The following NSMAF variants were observed in gnomAD, a reference collection of about 807,000 sequenced individuals.
The protein encoded by NSMAF is protein FAN.
Under a neutral mutation model 134.9 loss-of-function variants are expected in NSMAF, and 90 were observed. The ratio of observed to expected loss-of-function variants is 0.67; its 90% CI spans 0.56 to 0.79. NSMAF has a LOEUF of 0.79. NSMAF is among the 30% of genes least tolerant of loss of function. NSMAF has a pLI of 0.00. For synonymous variants in NSMAF, 358 were observed against 389.6 expected, an observed-to-expected ratio of 0.92 and a Z score of 0.96; for missense variants, 1,010 against 1,119.0, an observed-to-expected ratio of 0.90 and a Z score of 1.39.
Position 58,597,484 on chromosome 8 carries a change from T to C in NSMAF, c.1695A>G (p.Lys565=). 1.2e-6 allele frequency: 2 copies of C among 1,614,130 alleles called. No individual in the cohort carries two copies. Among genetic ancestry groups the C allele is most frequent in the Non-Finnish European group, 1.7e-6 (2 of 1,179,932 alleles). ...TQILEFGQTP[K]QLFVTPHPRR... ...GAGGATGTGGTGTCACAAATAGTTG[T>C]TTTGGTGTCTGCCCAAATTCCAAGA... Residue 565 remains lysine (K), a synonymous_variant, in exon 21 of 31, where the codon AAA becomes AAG. Transcript: ENST00000038176.
Position 58,645,077 on chromosome 8 carries a change from C to T in NSMAF, c.60-2004G>A, listed in dbSNP as rs1025193401. ...TGTATACCTATGTAACAAACCTGCACGTTCTGCACATGTACTCCAGAACTT... is the reference window on the plus strand; with the variant it reads ...TGTATACCTATGTAACAAACCTGCATGTTCTGCACATGTACTCCAGAACTT... On this transcript the variant is annotated intron_variant, in intron 1 of 30. Coordinates refer to ENST00000038176, the MANE Select transcript of NSMAF (RefSeq NM_003580.4). Among the ~76,000 whole-genome samples the T allele has an allele frequency of 2.0e-5, 3 of 148,478 alleles. 1 individual carries two copies. The East Asian group carries it at 5.9e-4, about 29-fold the overall frequency.
At chr8:58,594,633 T>C in intron 22 of NSMAF, 1 of 289,492 alleles carries the variant, frequency 3.5e-6, no homozygotes, top group East Asian at 7.3e-5. Context: ...TTCTTCACAG[T>C]CACTTCACTT....
intron 6 of NSMAF, among the ~76,000 whole-genome samples, chr8:58,626,581 T>C (rs1806936432): frequency 6.6e-6 from 1 of 152,220 alleles, no homozygotes; most frequent in African/African-American, 2.4e-5. Flanking sequence ...CCATGGTGTA[T>C]ATATATAGGA....
intron 2 of NSMAF, among the ~76,000 whole-genome samples, chr8:58,637,734 C>T (rs1226548009): frequency 6.6e-6 from 1 of 151,992 alleles, no homozygotes; most frequent in Non-Finnish European, 1.5e-5. Context: ...ATTACAGAAA[C>T]AATTCAATTT....
At chr8:58,633,198 C>A (rs567439319) in intron 5 of NSMAF, among the ~76,000 whole-genome samples, 4 of 152,226 alleles carry the variant, frequency 2.6e-5, no homozygotes, top group African/African-American at 9.6e-5. Context: ...CCGCATGACA[C>A]GGTCCCTGCC....
intron 9 of NSMAF, among the ~76,000 whole-genome samples, chr8:58,611,890 T>C (rs940751582): frequency 7.9e-5 from 12 of 152,142 alleles, no homozygotes; most frequent in Non-Finnish European, 1.3e-4. Flanking sequence ...TGAGAACTGA[T>C]GAAAGATATC....
rs1805876978 is a variant in NSMAF, at chr8:58,585,995, G to A, written c.2452C>T (p.Arg818Cys). The A allele has an allele frequency of 8.7e-6, 14 of 1,612,212 alleles. No homozygotes were observed. The highest frequency in any genetic ancestry group is 2.2e-5 in the East Asian group (1 of 44,876). ...TCTGTTCCTGTGCTGAGGACATGGC[G>A]ACTATCTGCAACACAAGGTGAGACT... ...VCDTAFSPDS[R>C]HVLSTGTDGC... Residue 818 changes from arginine (R) to cysteine (C), a missense_variant, in exon 29 of 31, where the codon CGC becomes TGC. Coordinates refer to ENST00000038176, the MANE Select transcript of NSMAF (RefSeq NM_003580.4).
chr8:58,620,331 A>G, intron 9 of NSMAF, among the ~76,000 whole-genome samples: 1 of 152,186 alleles, frequency 6.6e-6, no homozygotes, highest in East Asian at 1.9e-4. Flanking sequence ...AAAGGCTCAG[A>G]GGTAAGAGAC....
At chr8:58,605,010 G>A (rs1585736381) in intron 12 of NSMAF, among the ~76,000 whole-genome samples, 1 of 152,164 alleles carries the variant, frequency 6.6e-6, no homozygotes, top group East Asian at 1.9e-4. Flanking sequence ...CTCCGAAAGT[G>A]CTGGGATTAC....
intron 30 of NSMAF, among the ~76,000 whole-genome samples, chr8:58,585,314 T>TG (rs1327560850): frequency 2.7e-5 from 4 of 147,022 alleles, no homozygotes; most frequent in Admixed American, 2.0e-4. Context: ...GTATTGTTTC[T>TG]GGGTTTTTTT....
rs1806167050 is a variant in NSMAF, at chr8:58,597,563, A to G, written c.1629-13T>C. On this transcript the variant is annotated splice_polypyrimidine_tract_variant and intron_variant, in intron 20 of 30. Transcript: ENST00000038176. Reference sequence around the variant, plus strand: ...AGGATCCTGGATGCTTTGGGACAGAACACAAATAATGCAGTGAACCACTAG... The same window carrying G: ...AGGATCCTGGATGCTTTGGGACAGAGCACAAATAATGCAGTGAACCACTAG... The G allele has an allele frequency of 1.2e-6, 2 of 1,613,390 alleles. No homozygotes were observed. The highest frequency in any genetic ancestry group is 8.5e-7 in the Non-Finnish European group (1 of 1,179,580).
intron 2 of NSMAF, among the ~76,000 whole-genome samples, chr8:58,636,707 G>A (rs550396721): frequency 7.0e-4 from 106 of 152,292 alleles, no homozygotes; most frequent in Admixed American, 1.1e-3. Context: ...ACACAAATGG[G>A]AATGCCTGTG....
chr8:58,640,155 T>G (rs1807301913), intron 2 of NSMAF: 2 of 441,010 alleles, frequency 4.5e-6, no homozygotes, highest in South Asian at 3.2e-5. Flanking sequence ...ATCATACACT[T>G]GAAATTGGCT....
At chr8:58,603,607 A>G (rs529449763) in intron 12 of NSMAF, among the ~76,000 whole-genome samples, 1 of 152,340 alleles carries the variant, frequency 6.6e-6, no homozygotes, top group African/African-American at 2.4e-5. Context: ...CTGAGCTATT[A>G]CACTACCCTC....
chr8:58,656,716 G>A (rs1807721607), intron 1 of NSMAF, among the ~76,000 whole-genome samples: 1 of 152,082 alleles, frequency 6.6e-6, no homozygotes, highest in African/African-American at 2.4e-5. Context: ...TGTAGTCCCA[G>A]CTACTTGGGA....
intron 2 of NSMAF, among the ~76,000 whole-genome samples, chr8:58,638,307 G>C (rs185064384): frequency 6.6e-6 from 1 of 152,152 alleles, no homozygotes; most frequent in Non-Finnish European, 1.5e-5. Context: ...AGCCTCCTGA[G>C]TAGCTGGCAT....
intron 23 of NSMAF, among the ~76,000 whole-genome samples, chr8:58,593,178 A>G (rs1335701255): frequency 2.0e-5 from 3 of 152,232 alleles, no homozygotes; most frequent in Non-Finnish European, 4.4e-5. Context: ...GGCAAAATAC[A>G]GATTGCTTCC....
chr8:58,640,578 T>C (rs573075106), intron 2 of NSMAF, among the ~76,000 whole-genome samples: 3 of 152,334 alleles, frequency 2.0e-5, no homozygotes, highest in East Asian at 3.9e-4. Flanking sequence ...TTACTTTACA[T>C]TCTTTTTCAA....
In NSMAF at chr8:58,635,217, G is replaced by C; in HGVS notation, c.305C>G (p.Ser102Cys). The change falls in exon 5 of 31, where the codon TCT (serine) becomes TGT (cysteine). Residue 102 changes from serine to cysteine, a missense_variant. Coordinates refer to ENST00000038176, the MANE Select transcript of NSMAF (RefSeq NM_003580.4). ...GANRHFTKAK[S>C]GGISLIFSQV... ...ACTGAAAATGAGTGAAATACCCCCA[G>C]ATTTTGCCCTAAAATACAGATAAAA... The C allele has an allele frequency of 6.2e-7, 1 of 1,611,580 alleles. No homozygotes were observed. The highest frequency in any genetic ancestry group is 8.5e-7 in the Non-Finnish European group (1 of 1,178,180).
Sources: gnomAD v4.1 joint callset for allele counts (sites outside exome capture counted in the v4.1 genomes callset) on GRCh38, gnomAD v4.1.1 for gene constraint, MANE v1.5 for transcripts, NCBI Gene and HGNC (gene_info 2026-07-23, HGNC 2026-07-21) for gene names.